CHSY3: variants seen among roughly 807,000 people sequenced by gnomAD.
CHSY3 encodes the protein chondroitin sulfate synthase 3, also known as N-acetylgalactosaminyl-proteoglycan 3-beta-glucuronosyltransferase 3.
CHSY3 carries 35 observed loss-of-function variants against 67.2 expected under a neutral mutation model. The ratio of observed to expected loss-of-function variants is 0.52; its 90% confidence interval spans 0.40 to 0.69. CHSY3 has a LOEUF of 0.69. Among genes scored for constraint, CHSY3 ranks in the 30% least tolerant of loss-of-function variants. The pLI, the probability that CHSY3 is intolerant of heterozygous loss-of-function variation, is 0.00. For synonymous variants in CHSY3, 474 were observed against 434.7 expected, an observed-to-expected ratio of 1.09 and a Z score of -1.12; for missense variants, 1,069 against 1,138.5, an observed-to-expected ratio of 0.94 and a Z score of 0.88.
intron 2 of CHSY3, among the ~76,000 whole-genome samples, chr5:130,088,344 C>A (rs1422618997): frequency 6.8e-6 from 1 of 147,328 alleles, no homozygotes; most frequent in Non-Finnish European, 1.5e-5. Context: ...AAAGCAATGG[C>A]AACAAAAGCC....
At chr5:129,910,942 T>A (rs1236719314) in intron 2 of CHSY3, among the ~76,000 whole-genome samples, 2 of 151,694 alleles carry the variant, frequency 1.3e-5, no homozygotes, top group Non-Finnish European at 2.9e-5. Context: ...GGTAAATTTT[T>A]AAATTTCTTT....
chr5:130,130,039 G>A (rs1432939010), intron 2 of CHSY3, among the ~76,000 whole-genome samples: 1 of 151,990 alleles, frequency 6.6e-6, no homozygotes, highest in Non-Finnish European at 1.5e-5. Flanking sequence ...AATTTGATAG[G>A]GAACTAGAAA....
intron 2 of CHSY3, among the ~76,000 whole-genome samples, chr5:129,966,925 G>T (rs1334661445): frequency 1.3e-5 from 2 of 151,728 alleles, no homozygotes; most frequent in African/African-American, 2.4e-5. Context: ...TTATACTTAA[G>T]GTCAAAGTAC....
intron 2 of CHSY3, among the ~76,000 whole-genome samples, chr5:130,133,074 G>A (rs1347265394): frequency 6.6e-6 from 1 of 152,192 alleles, no homozygotes; most frequent in African/African-American, 2.4e-5. Flanking sequence ...TTGGAAATCT[G>A]TGTAATATGG....
chr5:129,917,939 G>C (rs1760785264), intron 2 of CHSY3, among the ~76,000 whole-genome samples: 1 of 152,120 alleles, frequency 6.6e-6, no homozygotes, highest in South Asian at 2.1e-4. Flanking sequence ...GTGTAAATTT[G>C]TTTTTATCAA....
chr5:130,145,770 C>G (rs1255927062), intron 2 of CHSY3, among the ~76,000 whole-genome samples: 1 of 151,384 alleles, frequency 6.6e-6, no homozygotes, highest in Non-Finnish European at 1.5e-5. Context: ...ACTAAATTAC[C>G]CCATTAAAAA....
intron 2 of CHSY3, among the ~76,000 whole-genome samples, chr5:130,176,879 A>C (rs1302499297): frequency 6.6e-6 from 1 of 152,156 alleles, no homozygotes; most frequent in Non-Finnish European, 1.5e-5. Flanking sequence ...ATTAGGATAA[A>C]TACCTAATGT....
At position 130,185,440 on chromosome 5, in the gene CHSY3, C is replaced by T. The variant is rs868703058; in HGVS notation, c.2298C>T (p.Phe766=). Residue 766 remains phenylalanine (F), a synonymous_variant, in exon 3 of 3, where the codon TTC becomes TTT. Transcript: ENST00000305031. The stretch of plus-strand genomic sequence containing the variant: ...GAAATCCTCCCACTGATGATTACTT[C>T]ATATTCTCAAAAAAGACTGGATTTT... ...NGGNPPTDDY[F]IFSKKTGFWR... is the part of the protein sequence containing the mutation. The T allele has an allele frequency of 2.5e-6, 4 of 1,613,826 alleles. No homozygotes were observed. Among genetic ancestry groups the T allele is most frequent in the Non-Finnish European group, 3.4e-6 (4 of 1,179,896 alleles).
At chr5:130,010,474 G>C (rs776165055) in intron 2 of CHSY3, among the ~76,000 whole-genome samples, 1 of 152,120 alleles carries the variant, frequency 6.6e-6, no homozygotes, top group Non-Finnish European at 1.5e-5. Context: ...CTGTGACACA[G>C]CTAACACAGT....
Position 130,162,319 on chromosome 5 carries a change from C to G in CHSY3, c.1087-21910C>G, listed in dbSNP as rs73788422. On this transcript the variant is annotated intron_variant, in intron 2 of 2. Transcript: ENST00000305031. ...TTTCACATAACTGTCCTCTTTTGAC[C>G]TTCATACAAGCATTGTACATTTGAA... Among the ~76,000 whole-genome samples the G allele has an allele frequency of 7.6e-3, 1,161 of 152,082 alleles. 14 individuals carry two copies. Among genetic ancestry groups the G allele is most frequent in the African/African-American group, 0.027 (1,107 of 41,498 alleles).
At chr5:130,055,639 GTA>G (rs1299764228) in intron 2 of CHSY3, among the ~76,000 whole-genome samples, 5 of 152,136 alleles carry the variant, frequency 3.3e-5, no homozygotes, top group African/African-American at 9.6e-5. Flanking sequence ...CACCCTAGTA[GTA>G]TATATATGTC....
chr5:129,962,002 A>G (rs1277511770), intron 2 of CHSY3, among the ~76,000 whole-genome samples: 3 of 151,940 alleles, frequency 2.0e-5, no homozygotes, highest in Non-Finnish European at 4.4e-5. Flanking sequence ...CAATCTTTCA[A>G]CTTTGTCCCT....
chr5:130,016,662 G>T (rs1056893968), intron 2 of CHSY3, among the ~76,000 whole-genome samples: 6 of 152,196 alleles, frequency 3.9e-5, no homozygotes, highest in African/African-American at 1.4e-4. Flanking sequence ...TGCCGCCTTG[G>T]CCTCCCGAAG....
intron 2 of CHSY3, among the ~76,000 whole-genome samples, chr5:130,084,699 A>G (rs1326645374): frequency 6.6e-6 from 1 of 151,918 alleles, no homozygotes; most frequent in Non-Finnish European, 1.5e-5. Flanking sequence ...AACACAATCT[A>G]TTAATGTCTT....
At chr5:129,923,285 A>G (rs898988859) in intron 2 of CHSY3, among the ~76,000 whole-genome samples, 1 of 152,124 alleles carries the variant, frequency 6.6e-6, no homozygotes, top group Non-Finnish European at 1.5e-5. Context: ...GAGAAGAAAA[A>G]GAAAAAAAAT....
intron 2 of CHSY3, among the ~76,000 whole-genome samples, chr5:130,069,362 A>G (rs1413005668): frequency 6.6e-6 from 1 of 152,064 alleles, no homozygotes; most frequent in African/African-American, 2.4e-5. Context: ...ATAGAAGAAG[A>G]GTATATGGCC....
rs544125973 is a variant in CHSY3 at position 130,047,864 on chromosome 5, A to G, written c.1087-136365A>G. ...TTGTTAATTCAAATTTTAATATAAC[A>G]TTTCACCTTTTATAATTACTGAACA... On this transcript the variant is annotated intron_variant, in intron 2 of 2. Transcript: ENST00000305031. Among the ~76,000 whole-genome samples, 3 of 147,592 alleles carry G rather than the reference A, an allele frequency of 2.0e-5. No individual in the cohort carries two copies. The East Asian group carries it at 5.8e-4, about 29-fold the overall frequency.
Position 130,029,189 on chromosome 5 carries a change from C to T in CHSY3, c.1086+120829C>T, listed in dbSNP as rs959387303. Among the ~76,000 whole-genome samples, 5 of 152,230 alleles carry T rather than the reference C, an allele frequency of 3.3e-5. No homozygotes were observed. The East Asian group carries it at 9.7e-4, about 29-fold the overall frequency. On this transcript the variant is annotated intron_variant, in intron 2 of 2. Coordinates refer to ENST00000305031, the MANE Select transcript of CHSY3 (RefSeq NM_175856.5). ...ATTTGCCGAGGTCTGGAGCCAGAAG[C>T]TTTGTTCTACCCAAGTCTCTTGGAC...
At chr5:130,089,775 A>G (rs1331560774) in intron 2 of CHSY3, among the ~76,000 whole-genome samples, 1 of 152,108 alleles carries the variant, frequency 6.6e-6, no homozygotes, top group Non-Finnish European at 1.5e-5. Flanking sequence ...CTCTGGATAG[A>G]CATTTGTAGG....
Sources: allele counts gnomAD v4.1 joint callset (sites outside exome capture counted in the v4.1 genomes callset), GRCh38; gene constraint gnomAD v4.1.1; transcripts MANE v1.5; gene names NCBI Gene and HGNC (gene_info 2026-07-23, HGNC 2026-07-21).